Variants in PLA2G4C observed in about 807,000 individuals in gnomAD.
The protein encoded by PLA2G4C is cytosolic phospholipase A2 gamma.
A neutral mutation model predicts 73.8 loss-of-function variants in PLA2G4C; 64 were observed. The observed-to-expected ratio is 0.87, with a 90% CI of 0.71 to 1.07. The LOEUF (loss-of-function observed/expected upper bound fraction) is 1.07, where lower values mean the gene tolerates loss of function less well. Ranked by LOEUF, PLA2G4C falls within the 50% of genes least tolerant of loss-of-function variation. The probability of loss-of-function intolerance (pLI) is 0.00; values close to 1 mark genes in which losing one functional copy is unlikely to be tolerated. For synonymous variants in PLA2G4C, 254 were observed against 252.1 expected, an observed-to-expected ratio of 1.01 and a Z score of -0.07; for missense variants, 622 against 665.4, an observed-to-expected ratio of 0.93 and a Z score of 0.72.
chr19:48,075,079 C>T (rs1194620967), intron 11 of PLA2G4C, among the ~76,000 whole-genome samples: 1 of 152,054 alleles, frequency 6.6e-6, no homozygotes, highest in African/African-American at 2.4e-5. Context: ...TTTTTTCTAG[C>T]TCCTTCATCT....
intron 12 of PLA2G4C, among the ~76,000 whole-genome samples, chr19:48,070,555 A>G (rs1968617429): frequency 6.6e-6 from 1 of 152,232 alleles, no homozygotes; most frequent in Non-Finnish European, 1.5e-5. Flanking sequence ...ATGGAATACT[A>G]TGCAGCCAGA....
At chr19:48,064,150 CG>C (rs1160361742) in intron 13 of PLA2G4C, among the ~76,000 whole-genome samples, 1 of 152,196 alleles carries the variant, frequency 6.6e-6, no homozygotes, top group Non-Finnish European at 1.5e-5. Flanking sequence ...CTATTTTGGC[CG>C]GGCACGGTGG....
chr19:48,109,866 A>G (rs758994031), intron 1 of PLA2G4C, among the ~76,000 whole-genome samples: 10 of 150,882 alleles, frequency 6.6e-5, no homozygotes, highest in South Asian at 2.1e-4. Context: ...AGCCAGGATG[A>G]TCTCGATCTC....
At chr19:48,100,772 G>A (rs2031865007) in intron 4 of PLA2G4C, among the ~76,000 whole-genome samples, 1 of 150,660 alleles carries the variant, frequency 6.6e-6, no homozygotes. Context: ...AGCTGGGTGT[G>A]GTTGCAGACC....
chr19:48,105,634 T>C (rs1653555), intron 2 of PLA2G4C, among the ~76,000 whole-genome samples, 190 bp from the exon 3 acceptor site: 26,745 of 152,032 alleles, frequency 0.18, 4,778 homozygotes, highest in African/African-American at 0.46. Flanking sequence ...GTGAATGCAT[T>C]GAATGCCAGT....
intron 10 of PLA2G4C, among the ~76,000 whole-genome samples, chr19:48,082,008 G>A (rs142589877): frequency 5.3e-5 from 8 of 151,954 alleles, no homozygotes; most frequent in Non-Finnish European, 7.4e-5. Flanking sequence ...TTGAACCCAG[G>A]ATACAGAGGT....
rs763365423 is a variant in PLA2G4C at position 48,077,803 on chromosome 19, T to C, written c.866A>G (p.Glu289Gly). The change falls in exon 11 of 17, where the codon GAA becomes GGA. Residue 289 changes from glutamate (E) to glycine (G), a missense_variant. Physicochemically the swap from Glu to Gly is moderately conservative, Grantham distance 98 (BLOSUM62 -2). Coordinates refer to ENST00000599921, the MANE Select transcript of PLA2G4C (RefSeq NM_003706.3). ...LIFARLLRLQ[E>G]SSQGEHPPPE... ...GGGAGGATGTTCCCCTTGTGAACTT[T>C]CTTGCAGCCTCAGTAATCGGGCTGC... 4 of 1,607,452 alleles carry C rather than the reference T, an allele frequency of 2.5e-6. No individual in the cohort carries two copies. The highest frequency in any genetic ancestry group is 2.2e-5 in the South Asian group (2 of 89,768).
At chr19:48,077,641 A>G (rs1300229165) in intron 11 of PLA2G4C, 130 bp downstream of exon 11, 4 of 649,730 alleles carry the variant, frequency 6.2e-6, no homozygotes, top group Non-Finnish European at 1.0e-5. Context: ...GGGAGAGTCC[A>G]TGCTCCTCTC....
intron 15 of PLA2G4C, among the ~76,000 whole-genome samples, chr19:48,053,364 C>CTTTTTTTTTTTTTTTTTT (rs1174332835): frequency 2.0e-5 from 2 of 100,624 alleles, no homozygotes; most frequent in Non-Finnish European, 4.0e-5. Context: ...GTCCTTTTTT[C>CTTTTTTTTTTTTTTTTTT]TTTTTTTTTT....
In PLA2G4C at chr19:48,055,389, G is replaced by GTATATATATATATATATA. The variant is rs4002927; in HGVS notation, c.1258-358_1258-341dup. 5.0e-3 allele frequency among the ~76,000 whole-genome samples: 658 copies of GTATATATATATATATATA among 132,502 alleles called. 11 individuals are homozygous for GTATATATATATATATATA. The highest frequency in any genetic ancestry group is 0.015 in the Middle Eastern group (4 of 270). The allele number at this position is 132,502 out of a possible 152,430, so 86.9% of individuals were successfully genotyped here. On this transcript the variant is annotated intron_variant, in intron 14 of 16. Transcript: ENST00000599921. ...AGATGTTGGAGACCTCATCTCTACAGTATATATATATATATATATATTTCA... is the reference window on the plus strand; with the variant it reads ...AGATGTTGGAGACCTCATCTCTACAGTATATATATATATATATATATATATATATATATATATATTTCA...
chr19:48,083,740 C>T (rs2122596038), intron 10 of PLA2G4C, among the ~76,000 whole-genome samples: 1 of 152,130 alleles, frequency 6.6e-6, no homozygotes. Flanking sequence ...AGCCACTGCG[C>T]CCGGCCCCTC....
rs1407221173 is a variant in PLA2G4C at position 48,096,316 on chromosome 19, C to T, written c.569-712G>A. ...AAACATTCATGGCCGGGCGTGGTGG[C>T]TCACGTCTGTAATCCCAGCACTTTG... On this transcript the variant is annotated intron_variant, in intron 6 of 16. Transcript: ENST00000599921. 2.0e-5 allele frequency among the ~76,000 whole-genome samples: 3 copies of T among 152,258 alleles called. No individual in the cohort carries two copies. In the East Asian group the frequency reaches 5.8e-4, roughly 29 times the overall value.
chr19:48,069,044 C>CAA lies in PLA2G4C; in HGVS notation c.1007-1160_1007-1159dup, dbSNP rs11350634. Among the ~76,000 whole-genome samples, 74 of 113,046 alleles carry CAA rather than the reference C, an allele frequency of 6.5e-4. 2 individuals carry two copies. The highest frequency in any genetic ancestry group is 2.2e-3 in the African/African-American group (61 of 28,258). The allele number at this position is 113,046 out of a possible 152,430, so 74.2% of individuals were successfully genotyped here. A position where few individuals can be genotyped will look rare whatever the true frequency, so the allele number is the denominator to read the frequency against. On this transcript the variant is annotated intron_variant, in intron 12 of 16. Transcript: ENST00000599921. ...TGGGCAACATGGTGAAACCCCATCT[C>CAA]AAAAAAAAAAAAAAAAACGGTGAGG...
In PLA2G4C at chr19:48,072,311, T is replaced by C. The variant is rs989786759; in HGVS notation, c.1006+2456A>G. ...ATCCTCCCACCTCAGCCTCCCCGAA[T>C]AGCTGGGACTACAGGTGCACGCACC... On this transcript the variant is annotated intron_variant, in intron 12 of 16. Transcript: ENST00000599921. This position sits in a 1 kb window ranked among gnomAD's most constrained non-coding sequence, Gnocchi z 4.4. 2 of 152,246 alleles carry C rather than the reference T, an allele frequency of 1.3e-5. No individual in the cohort carries two copies. Among genetic ancestry groups the C allele is most frequent in the African/African-American group, 4.8e-5 (2 of 41,428 alleles). The allele number at this position is 152,246 out of a possible 1,614,324, so 9.4% of individuals were successfully genotyped here.
chr19:48,110,545 G>GTGCGGAGGCTTGGGCTCCGGAATCCGT lies in PLA2G4C; in HGVS notation c.-92_-91insACGGATTCCGGAGCCCAAGCCTCCGCA. On this transcript the variant is annotated 5_prime_UTR_variant, in exon 1 of 17. Transcript: ENST00000599921. ...GGTGGAGCTTGTGCTCCGGAATCCG[G>GTGCGGAGGCTTGGGCTCCGGAATCCGT]TGCGGAGGCTTGGGCTCCCTGCGCT... is the stretch of plus-strand genomic sequence containing the variant. 6.5e-7 allele frequency: 1 copy of GTGCGGAGGCTTGGGCTCCGGAATCCGT among 1,529,652 alleles called. No homozygotes were observed. Among genetic ancestry groups the GTGCGGAGGCTTGGGCTCCGGAATCCGT allele is most frequent in the Non-Finnish European group, 8.8e-7 (1 of 1,141,374 alleles). 94.8% of individuals were successfully genotyped at this position (1,529,652 alleles called of 1,614,324 possible).
At chr19:48,051,973 G>C (rs910446519) in intron 16 of PLA2G4C, 2 of 149,092 alleles carry the variant, frequency 1.3e-5, no homozygotes, top group African/African-American at 5.0e-5. Flanking sequence ...TCAAACTCCT[G>C]GGCTCCGGCA....
At chr19:48,068,649 T>C (rs1436378665) in intron 12 of PLA2G4C, among the ~76,000 whole-genome samples, 2 of 151,790 alleles carry the variant, frequency 1.3e-5, no homozygotes, top group Non-Finnish European at 2.9e-5. Context: ...CTATGTATGA[T>C]TGTGCCACTG....
intron 14 of PLA2G4C, among the ~76,000 whole-genome samples, chr19:48,057,476 TCTTC>T (rs1967989412): frequency 1.3e-4 from 7 of 52,696 alleles, no homozygotes; most frequent in Middle Eastern, 7.9e-3. Flanking sequence ...TTCTTCTTCT[TCTTC>T]TTCTTTTTTT....
At position 48,105,341 on chromosome 19, in the gene PLA2G4C, C is replaced by G. The variant is rs2307279; in HGVS notation, c.112G>C (p.Ala38Pro). ...CTCCTCCCCTCACTTACCTCATCAG[C>G]CTCAATCCTTAGCTTCTTCAGAGCT... ...LKALKKLRIE[A>P]DEAPVVAVLG... The change falls in exon 3 of 17, where the codon GCT (alanine) becomes CCT (proline). Residue 38 changes from alanine (A) to proline (P), a missense_variant. Physicochemically the swap from Ala to Pro is conservative, Grantham distance 27 (BLOSUM62 -1). Transcript: ENST00000599921. 0.079 allele frequency: 126,720 copies of G among 1,610,406 alleles called. 14,359 individuals carry two copies. The highest frequency in any genetic ancestry group is 0.51 in the African/African-American group (37,698 of 74,622).
Sources: gnomAD v4.1 joint callset for allele counts (sites outside exome capture counted in the v4.1 genomes callset) on GRCh38, gnomAD v4.1.1 for gene constraint, Gnocchi (gnomAD v3.1) non-coding constraint, MANE v1.5 for transcripts, NCBI Gene and HGNC (gene_info 2026-07-23, HGNC 2026-07-21) for gene names.